The following TEC variants were observed in gnomAD, a reference collection of about 807,000 sequenced individuals.
The protein encoded by TEC is tec protein tyrosine kinase.
In TEC, 72 loss-of-function variants were observed where a neutral mutation model predicts 93.0. The ratio of observed to expected loss-of-function variants is 0.77; its 90% CI spans 0.64 to 0.94. The LOEUF (loss-of-function observed/expected upper bound fraction) is 0.94, where lower values mean the gene tolerates loss of function less well. Among genes scored for constraint, TEC ranks in the 40% least tolerant of loss-of-function variants. The pLI is 0.00. For synonymous variants in TEC, 249 were observed against 247.7 expected, an observed-to-expected ratio of 1.01 and a Z score of -0.05; for missense variants, 630 against 757.9, an observed-to-expected ratio of 0.83 and a Z score of 1.98.
intron 7 of TEC, among the ~76,000 whole-genome samples, chr4:48,167,225 CATAT>C (rs1344978186): frequency 1.3e-5 from 2 of 151,968 alleles, no homozygotes; most frequent in Non-Finnish European, 2.9e-5. Context: ...CCTGCATGTA[CATAT>C]ATATATTTTA....
intron 14 of TEC, among the ~76,000 whole-genome samples, chr4:48,142,463 A>G (rs907061005): frequency 6.6e-6 from 1 of 151,856 alleles, no homozygotes; most frequent in African/African-American, 2.4e-5. Flanking sequence ...ACAGAGCAAG[A>G]CTCCGTCTCA....
At chr4:48,245,580 A>T (rs1724032867) in intron 1 of TEC, among the ~76,000 whole-genome samples, 1 of 152,254 alleles carries the variant, frequency 6.6e-6, no homozygotes, top group South Asian at 2.1e-4. Context: ...TTACTGTTTT[A>T]ACTTAATCTT....
At chr4:48,168,376 T>TA (rs1483510432) in intron 6 of TEC, among the ~76,000 whole-genome samples, 2 of 152,184 alleles carry the variant, frequency 1.3e-5, no homozygotes, top group African/African-American at 4.8e-5. Flanking sequence ...TCTCCAATGA[T>TA]AAAATCTCAT....
chr4:48,231,982 C>T (rs1276551934), intron 1 of TEC, among the ~76,000 whole-genome samples: 1 of 151,898 alleles, frequency 6.6e-6, no homozygotes, highest in Non-Finnish European at 1.5e-5. Flanking sequence ...GTTGAATGTC[C>T]TGGGGAAAAA....
Position 48,135,783 on chromosome 4 carries a change from T to G in TEC, c.*1633A>C, listed in dbSNP as rs1416806187. The G allele has an allele frequency of 1.3e-5, 2 of 152,206 alleles. No homozygotes were observed. Among genetic ancestry groups the G allele is most frequent in the Admixed American group, 6.5e-5 (1 of 15,278 alleles). The allele number at this position is 152,206 out of a possible 1,614,324, so 9.4% of individuals were successfully genotyped here. On this transcript the variant is annotated 3_prime_UTR_variant, in exon 18 of 18. Transcript: ENST00000381501. ...CAAGAAGGAATGTGGCAGATTGTGA[T>G]AAGGCTCGGGATAAGCAGTTTACTT... is the stretch of plus-strand genomic sequence containing the variant.
chr4:48,208,452 C>A (rs1212497655), intron 2 of TEC, among the ~76,000 whole-genome samples: 1 of 152,138 alleles, frequency 6.6e-6, no homozygotes, highest in Admixed American at 6.5e-5. Context: ...ACTTAAAAAA[C>A]AAAAACAAAA....
At chr4:48,254,490 T>A (rs991181445) in intron 1 of TEC, among the ~76,000 whole-genome samples, 1 of 152,028 alleles carries the variant, frequency 6.6e-6, no homozygotes, top group African/African-American at 2.4e-5. Context: ...CTGGAAAGAT[T>A]TGGGAAGGCA....
intron 1 of TEC, among the ~76,000 whole-genome samples, chr4:48,232,453 C>T (rs1395103102): frequency 6.6e-6 from 1 of 152,178 alleles, no homozygotes; most frequent in African/African-American, 2.4e-5. Flanking sequence ...TACTCAAGGT[C>T]ACACAAGCCA....
intron 2 of TEC, among the ~76,000 whole-genome samples, chr4:48,194,230 A>G (rs528882579): frequency 2.8e-4 from 42 of 152,330 alleles, no homozygotes; most frequent in Non-Finnish European, 2.6e-4. Context: ...TACCCTGCCT[A>G]TATCTAGCCA....
intron 1 of TEC, among the ~76,000 whole-genome samples, chr4:48,255,126 T>A (rs1192711216): frequency 1.3e-5 from 2 of 152,144 alleles, no homozygotes; most frequent in African/African-American, 4.8e-5. Context: ...GCTCACATAA[T>A]CGAGAAGTCC....
At chr4:48,191,249 C>T (rs543287410) in intron 2 of TEC, among the ~76,000 whole-genome samples, 12 of 152,334 alleles carry the variant, frequency 7.9e-5, no homozygotes, top group Non-Finnish European at 1.3e-4. Flanking sequence ...CAATCACTTA[C>T]TGTCAGTTAT....
At chr4:48,192,644 T>C (rs189882988) in intron 2 of TEC, among the ~76,000 whole-genome samples, 17 of 151,020 alleles carry the variant, frequency 1.1e-4, no homozygotes, top group Admixed American at 8.6e-4. Context: ...ATAACAACAA[T>C]GGTAAAAGAA....
At position 48,145,482 on chromosome 4, in the gene TEC, G is replaced by A. The variant is rs781760468; in HGVS notation, c.1179C>T (p.Tyr393=). ...CCCGAATAGCTTTGATTGCGACTTT[G>A]TACTGGGCTCGCCATTTGCCAAGCC... ...VVRLGKWRAQ[Y]KVAIKAIREG... is the part of the protein sequence containing the mutation. The change falls in exon 13 of 18, where the codon TAC becomes TAT. Residue 393 remains tyrosine (Y), a synonymous_variant. Transcript: ENST00000381501. 1 of 1,614,088 alleles carries A rather than the reference G, an allele frequency of 6.2e-7. No individual in the cohort carries two copies. Among genetic ancestry groups the A allele is most frequent in the South Asian group, 1.1e-5 (1 of 91,076 alleles).
chr4:48,142,121 A>T (rs1395090500), intron 14 of TEC, among the ~76,000 whole-genome samples: 1 of 152,220 alleles, frequency 6.6e-6, no homozygotes, highest in Non-Finnish European at 1.5e-5. Flanking sequence ...CATCAAAATG[A>T]TGGGCGACCA....
At chr4:48,255,414 G>A (rs537257147) in intron 1 of TEC, among the ~76,000 whole-genome samples, 8 of 152,294 alleles carry the variant, frequency 5.3e-5, no homozygotes, top group African/African-American at 1.4e-4. Flanking sequence ...GGGACTGCTC[G>A]GATTGGCCAA....
chr4:48,167,879 G>A lies in TEC; in HGVS notation c.570C>T (p.Phe190=). 3 of 1,613,784 alleles carry A rather than the reference G, an allele frequency of 1.9e-6. No homozygotes were observed. Among genetic ancestry groups the A allele is most frequent in the Non-Finnish European group, 2.5e-6 (3 of 1,179,916 alleles). ...SEEIVVAMYD[F]QAAEGHDLRL... ...TGAGATCATGTCCTTCTGCTGCTTGGAAATCATACATGGCTACAACGATTT... is the reference window on the plus strand; with the variant it reads ...TGAGATCATGTCCTTCTGCTGCTTGAAAATCATACATGGCTACAACGATTT... The change falls in exon 7 of 18, where the codon TTC becomes TTT. Residue 190 remains phenylalanine, a synonymous_variant. Coordinates refer to ENST00000381501, the MANE Select transcript of TEC (RefSeq NM_003215.3).
chr4:48,162,194 C>G (rs958062849), intron 8 of TEC, among the ~76,000 whole-genome samples: 6 of 152,188 alleles, frequency 3.9e-5, no homozygotes, highest in African/African-American at 1.4e-4. Context: ...CAGGTTTCCC[C>G]TTGGTCATCT....
intron 11 of TEC, among the ~76,000 whole-genome samples, chr4:48,147,838 T>G (rs1046635141): frequency 6.6e-6 from 1 of 152,226 alleles, no homozygotes; most frequent in Non-Finnish European, 1.5e-5. Context: ...GCAATTACTA[T>G]GTGTCAAGCC....
At chr4:48,150,369 C>T (rs1196293870) in intron 10 of TEC, among the ~76,000 whole-genome samples, 4 of 152,148 alleles carry the variant, frequency 2.6e-5, no homozygotes, top group Non-Finnish European at 5.9e-5. Flanking sequence ...TTTTCCTGCT[C>T]GCCTATCAGG....
Sources: allele counts gnomAD v4.1 joint callset (sites outside exome capture counted in the v4.1 genomes callset), GRCh38; gene constraint gnomAD v4.1.1; transcripts MANE v1.5; gene names NCBI Gene and HGNC (gene_info 2026-07-23, HGNC 2026-07-21).